The following LAMA2 variants were observed in gnomAD, a reference collection of about 807,000 sequenced individuals.
LAMA2 encodes laminin subunit alpha 2.
Under a neutral mutation model 364.8 loss-of-function variants are expected in LAMA2, and 269 were observed. That is an observed-to-expected ratio of 0.74 (90% confidence interval 0.67 to 0.82). LAMA2 has a LOEUF of 0.82. LAMA2 is among the 40% of genes least tolerant of loss of function. LAMA2 has a pLI of 0.00. For synonymous variants in LAMA2, 1,379 were observed against 1,370.6 expected (o/e 1.01, Z -0.14); for missense variants, 3,807 against 3,873.2 (o/e 0.98, Z 0.45).
At chr6:129,227,819 AC>A (rs1182939279) in intron 12 of LAMA2, among the ~76,000 whole-genome samples, 1 of 151,984 alleles carries the variant, frequency 6.6e-6, no homozygotes, top group Non-Finnish European at 1.5e-5. Flanking sequence ...CAGATCTCAA[AC>A]TCCATGCTGG....
chr6:128,906,581 A>C (rs1387075102), intron 1 of LAMA2, among the ~76,000 whole-genome samples: 47 of 150,986 alleles, frequency 3.1e-4, no homozygotes, highest in Admixed American at 2.0e-4. Context: ...CCCATTTTGT[A>C]GGTTGCCTGT....
At chr6:128,956,371 A>G (rs1315705133) in intron 1 of LAMA2, among the ~76,000 whole-genome samples, 2 of 151,970 alleles carry the variant, frequency 1.3e-5, no homozygotes, top group African/African-American at 4.8e-5. Context: ...ATTTTTTTAA[A>G]AAGTTCAAGA....
Position 129,389,331 on chromosome 6 carries a change from T to C in LAMA2, c.5072-2160T>C, listed in dbSNP as rs74779156. ...TATCATAGATTTTGTGCCTTATAAC[T>C]GAAATGCATTTCTCATTTGTGAAGG... On this transcript the variant is annotated intron_variant, in intron 35 of 64. Coordinates refer to ENST00000421865, the MANE Select transcript of LAMA2 (RefSeq NM_000426.4). 4.0e-3 allele frequency among the ~76,000 whole-genome samples: 605 copies of C among 152,322 alleles called. 4 individuals are homozygous for C. Among genetic ancestry groups the C allele is most frequent in the Non-Finnish European group, 7.0e-3 (479 of 68,036 alleles).
intron 12 of LAMA2, among the ~76,000 whole-genome samples, chr6:129,209,459 A>G (rs1782935949): frequency 5.3e-5 from 8 of 152,218 alleles, no homozygotes. Flanking sequence ...TTTAGGCTAA[A>G]GAAAATGTTA....
rs187281560 is a variant in LAMA2, at chr6:128,894,173, C to T, written c.112+10816C>T. Among the ~76,000 whole-genome samples the T allele has an allele frequency of 2.0e-5, 3 of 152,188 alleles. No individual in the cohort carries two copies. The East Asian group carries it at 5.8e-4, about 29-fold the overall frequency. ...TTGTACGCTTTTATATTAAAATCTA[C>T]GGATCTATCTTACACCTGGAAAGAA... On this transcript the variant is annotated intron_variant, in intron 1 of 64. Coordinates refer to ENST00000421865, the MANE Select transcript of LAMA2 (RefSeq NM_000426.4).
chr6:129,271,712 C>A (rs1328857798), intron 17 of LAMA2, among the ~76,000 whole-genome samples: 1 of 152,032 alleles, frequency 6.6e-6, no homozygotes, highest in East Asian at 1.9e-4. Flanking sequence ...GAGCTTAGTG[C>A]TTAATAAGGT....
intron 12 of LAMA2, among the ~76,000 whole-genome samples, chr6:129,239,836 C>T (rs1184562820): frequency 1.3e-5 from 2 of 152,118 alleles, no homozygotes; most frequent in African/African-American, 4.8e-5. Context: ...GAAGTTAATT[C>T]TTACACAGGG....
intron 46 of LAMA2, among the ~76,000 whole-genome samples, chr6:129,453,637 C>T (rs1288992045): frequency 6.6e-6 from 1 of 152,112 alleles, no homozygotes; most frequent in African/African-American, 2.4e-5. Context: ...GTTCTAATTT[C>T]TTCCATTTGA....
chr6:129,383,015 C>T lies in LAMA2; in HGVS notation c.4960-107C>T, dbSNP rs111446403. The T allele has an allele frequency of 5.0e-5, 41 of 822,978 alleles. 1 individual carries two copies. The highest frequency in any genetic ancestry group is 3.7e-4 in the African/African-American group (22 of 59,828). The allele number at this position is 822,978 out of a possible 1,614,324, so 51.0% of individuals were successfully genotyped here. A position where few individuals can be genotyped will look rare whatever the true frequency, so the allele number is the denominator to read the frequency against. ...ATCTGATCAATAATTCATCGATTGC[C>T]GTTGGCTCAAAGTAATATTTGAAAG... is the stretch of plus-strand genomic sequence containing the variant. On this transcript the variant is annotated intron_variant, in intron 34 of 64. Coordinates refer to ENST00000421865, the MANE Select transcript of LAMA2 (RefSeq NM_000426.4).
At chr6:129,340,197 T>G (rs1776183432) in intron 29 of LAMA2, among the ~76,000 whole-genome samples, 1 of 152,062 alleles carries the variant, frequency 6.6e-6, no homozygotes, top group African/African-American at 2.4e-5. Flanking sequence ...AAAGGGAGAA[T>G]GGGAGATGAA....
intron 4 of LAMA2, among the ~76,000 whole-genome samples, chr6:129,105,863 G>C (rs1400659967): frequency 6.6e-6 from 1 of 152,078 alleles, no homozygotes; most frequent in African/African-American, 2.4e-5. Flanking sequence ...ATATTTTTCT[G>C]TTGTATGAGA....
chr6:129,341,911 A>G (rs949434791), intron 29 of LAMA2, among the ~76,000 whole-genome samples: 7 of 152,256 alleles, frequency 4.6e-5, no homozygotes, highest in African/African-American at 1.7e-4. Flanking sequence ...AAAGCCCACT[A>G]GTGGGCATGT....
intron 53 of LAMA2, among the ~76,000 whole-genome samples, chr6:129,477,934 A>G (rs1361855363): frequency 6.6e-6 from 1 of 152,006 alleles, no homozygotes; most frequent in Non-Finnish European, 1.5e-5. Context: ...CCAGGCACAC[A>G]CCAACATGCC....
At chr6:129,319,303 C>T (rs906446209) in intron 27 of LAMA2, among the ~76,000 whole-genome samples, 1 of 152,108 alleles carries the variant, frequency 6.6e-6, no homozygotes, top group African/African-American at 2.4e-5. Flanking sequence ...CTTGGGTTGT[C>T]TGTTTGCAAG....
chr6:128,896,587 T>A (rs929950149), intron 1 of LAMA2, among the ~76,000 whole-genome samples: 2 of 152,208 alleles, frequency 1.3e-5, no homozygotes, highest in Non-Finnish European at 2.9e-5. Flanking sequence ...CAAGCTTTGA[T>A]AAAATATTTT....
chr6:129,067,518 G>A (rs1421583363), intron 3 of LAMA2, among the ~76,000 whole-genome samples: 1 of 152,198 alleles, frequency 6.6e-6, no homozygotes, highest in Non-Finnish European at 1.5e-5. Context: ...AGCAGTCACA[G>A]CAATCTCATT....
chr6:129,099,114 G>GTTTTTTTTTTTTTTT (rs766080944), intron 4 of LAMA2, among the ~76,000 whole-genome samples: 3 of 109,386 alleles, frequency 2.7e-5, no homozygotes, highest in African/African-American at 6.4e-5. Context: ...GGGCGGGGAG[G>GTTTTTTTTTTTTTTT]TTTTTTTTTT....
chr6:129,299,864 A>T (rs1773440490), intron 21 of LAMA2, among the ~76,000 whole-genome samples: 1 of 152,196 alleles, frequency 6.6e-6, no homozygotes, highest in Non-Finnish European at 1.5e-5. Flanking sequence ...TTTAGTCATC[A>T]TATAACCAAT....
chr6:129,080,952 A>C (rs1037935871), intron 3 of LAMA2, among the ~76,000 whole-genome samples: 1 of 152,220 alleles, frequency 6.6e-6, no homozygotes, highest in African/African-American at 2.4e-5. Flanking sequence ...ACATATGTTT[A>C]TTGTGGCACT....
Sources: gnomAD v4.1 joint callset for allele counts (sites outside exome capture counted in the v4.1 genomes callset) on GRCh38, gnomAD v4.1.1 for gene constraint, MANE v1.5 for transcripts, NCBI Gene and HGNC (gene_info 2026-07-23, HGNC 2026-07-21) for gene names.